Variants in DAB1 observed in about 807,000 individuals in gnomAD.
DAB1 encodes DAB adaptor protein 1.
In DAB1, 15 loss-of-function variants were observed where a neutral mutation model predicts 64.6. The ratio of observed to expected loss-of-function variants is 0.23; its 90% CI spans 0.16 to 0.36. The LOEUF is 0.36. DAB1 is among the 10% of genes least tolerant of loss of function. The pLI is 1.00. For synonymous variants in DAB1, 235 were observed against 251.9 expected (o/e 0.93, Z 0.64); for missense variants, 596 against 706.7 (o/e 0.84, Z 1.78).
chr1:58,034,807 C>T (rs1297147707), intron 5 of DAB1, among the ~76,000 whole-genome samples: 1 of 152,102 alleles, frequency 6.6e-6, no homozygotes. Flanking sequence ...CTACCCTCTT[C>T]CCCCTTCTAA....
chr1:57,071,887 A>G (rs996164693), intron 5 of DAB1, among the ~76,000 whole-genome samples: 7 of 152,296 alleles, frequency 4.6e-5, no homozygotes, highest in Non-Finnish European at 7.4e-5. Flanking sequence ...GCTTTTATTT[A>G]TTAGTGATTT....
At chr1:57,442,772 T>A (rs568191439) in intron 7 of DAB1, among the ~76,000 whole-genome samples, 1 of 152,288 alleles carries the variant, frequency 6.6e-6, no homozygotes, top group East Asian at 1.9e-4. Flanking sequence ...CCCCTGCGAG[T>A]GTCATTTGCC....
At chr1:58,383,730 C>A (rs902851011) in intron 3 of DAB1, among the ~76,000 whole-genome samples, 1 of 152,158 alleles carries the variant, frequency 6.6e-6, no homozygotes, top group East Asian at 1.9e-4. Context: ...GCTTCCCTGA[C>A]CCTATACTCA....
chr1:58,084,899 T>A lies in DAB1; in HGVS notation n.387+65612A>T, dbSNP rs1650211685. ...ATGTGGAAGAAGTGATAATGGCTAC[T>A]TCTGGAGAAACATGTTTGGAAAACC... On this transcript the variant is annotated intron_variant and non_coding_transcript_variant, in intron 5 of 20. Coordinates refer to the DAB1 transcript ENST00000485760. Among the ~76,000 whole-genome samples, 3 of 152,054 alleles carry A rather than the reference T, an allele frequency of 2.0e-5. No homozygotes were observed. The South Asian group carries it at 6.2e-4, about 32-fold the overall frequency.
At chr1:57,171,583 T>C (rs1428686191) in intron 2 of DAB1, among the ~76,000 whole-genome samples, 1 of 152,166 alleles carries the variant, frequency 6.6e-6, no homozygotes, top group South Asian at 2.1e-4. Flanking sequence ...CATGAGGCAG[T>C]TCTTACTGTC....
intron 1 of DAB1, among the ~76,000 whole-genome samples, chr1:57,340,708 C>T (rs1405965296): frequency 6.6e-6 from 1 of 152,196 alleles, no homozygotes; most frequent in East Asian, 1.9e-4. Context: ...GAAGCACACA[C>T]TGTGTCATTT....
At chr1:57,780,753 T>C (rs1310345656) in intron 6 of DAB1, among the ~76,000 whole-genome samples, 1 of 151,532 alleles carries the variant, frequency 6.6e-6, no homozygotes, top group Non-Finnish European at 1.5e-5. Flanking sequence ...TTCTTTTTTT[T>C]CTTTTTTCTT....
At chr1:57,977,977 T>TTCATTTG (rs1411532190) in intron 5 of DAB1, among the ~76,000 whole-genome samples, 1 of 152,200 alleles carries the variant, frequency 6.6e-6, no homozygotes, top group African/African-American at 2.4e-5. Context: ...ATCGTGAAAA[T>TTCATTTG]GGCCATACTG....
chr1:57,144,471 G>A (rs1232248218), intron 3 of DAB1, among the ~76,000 whole-genome samples: 4 of 151,920 alleles, frequency 2.6e-5, no homozygotes, highest in African/African-American at 7.2e-5. Flanking sequence ...CGAGGCGGAC[G>A]GATCATGAGG....
At chr1:58,150,961 C>T (rs1011822423) in intron 4 of DAB1, among the ~76,000 whole-genome samples, 17 of 151,994 alleles carry the variant, frequency 1.1e-4, no homozygotes, top group Non-Finnish European at 2.2e-4. Flanking sequence ...TTTGTCCTTG[C>T]GATAGTTTGC....
intron 3 of DAB1, chr1:58,481,012 C>G: frequency 1.1e-6 from 1 of 871,214 alleles, no homozygotes; most frequent in South Asian, 1.3e-5. Context: ...GGTATTTGCT[C>G]CTGTTTTTGA....
intron 1 of DAB1, among the ~76,000 whole-genome samples, chr1:57,316,076 G>A (rs1052994087): frequency 3.3e-5 from 5 of 152,130 alleles, no homozygotes; most frequent in African/African-American, 9.7e-5. Context: ...AGTAAGTGAC[G>A]AAGCCTATTG....
intron 7 of DAB1, among the ~76,000 whole-genome samples, chr1:57,575,223 T>A (rs563457198): frequency 6.6e-6 from 1 of 152,280 alleles, no homozygotes; most frequent in Admixed American, 6.5e-5. Context: ...TAAAAAAGAC[T>A]CACAAACAAA....
intron 2 of DAB1, among the ~76,000 whole-genome samples, chr1:57,198,645 T>TCACA (rs1398820873): frequency 1.7e-5 from 2 of 118,490 alleles, no homozygotes; most frequent in African/African-American, 6.7e-5. Flanking sequence ...GCATCTTCTC[T>TCACA]CTCTCACACA....
At chr1:58,277,643 C>T (rs1661481722) in intron 4 of DAB1, among the ~76,000 whole-genome samples, 1 of 152,036 alleles carries the variant, frequency 6.6e-6, no homozygotes, top group African/African-American at 2.4e-5. Flanking sequence ...ATGAATACAG[C>T]CAGATCCCTG....
At chr1:58,051,514 G>T (rs771516662) in intron 5 of DAB1, among the ~76,000 whole-genome samples, 2 of 152,248 alleles carry the variant, frequency 1.3e-5, no homozygotes, top group South Asian at 2.1e-4. Context: ...ACATACGTGT[G>T]CATGTGTCTT....
intron 6 of DAB1, among the ~76,000 whole-genome samples, chr1:57,683,339 G>A (rs1646658880): frequency 6.6e-6 from 1 of 152,136 alleles, no homozygotes; most frequent in African/African-American, 2.4e-5. Context: ...GTCAGTGATG[G>A]GAGGGGGCTC....
intron 6 of DAB1, among the ~76,000 whole-genome samples, chr1:57,801,422 T>C (rs1651118430): frequency 6.6e-6 from 1 of 152,242 alleles, no homozygotes; most frequent in East Asian, 1.9e-4. Flanking sequence ...TTTCTCATGC[T>C]TTCCCCTTCA....
intron 4 of DAB1, among the ~76,000 whole-genome samples, chr1:58,202,211 G>A (rs1336546242): frequency 6.6e-6 from 1 of 152,248 alleles, no homozygotes; most frequent in Non-Finnish European, 1.5e-5. Flanking sequence ...AACAGTCAGA[G>A]TTGTTACTTA....
Sources: allele counts gnomAD v4.1 joint callset (sites outside exome capture counted in the v4.1 genomes callset), GRCh38; gene constraint gnomAD v4.1.1; transcripts MANE v1.5; gene names NCBI Gene and HGNC (gene_info 2026-07-23, HGNC 2026-07-21).